The following TMEM267 variants were observed in gnomAD, a reference collection of about 807,000 sequenced individuals.
TMEM267 encodes transmembrane protein 267.
TMEM267 carries 20 observed loss-of-function variants against 19.3 expected under a neutral mutation model. The ratio of observed to expected loss-of-function variants is 1.04; its 90% CI spans 0.73 to 1.51. The LOEUF (loss-of-function observed/expected upper bound fraction) is 1.51. Ranked by LOEUF, TMEM267 falls within the 40% of genes most tolerant of loss-of-function variation. The pLI is 0.00. For missense variants in TMEM267, 242 were observed against 261.9 expected (o/e 0.92, Z 0.52); for synonymous variants, 88 against 90.3 (o/e 0.97, Z 0.15).
At chr5:43,448,936 T>TA (rs1387824342) in intron 2 of TMEM267, among the ~76,000 whole-genome samples, 3 of 149,384 alleles carry the variant, frequency 2.0e-5, no homozygotes, top group South Asian at 4.3e-4. Flanking sequence ...CATGGGGACA[T>TA]AAAAAAATCT....
intron 1 of TMEM267, among the ~76,000 whole-genome samples, chr5:43,458,257 T>A (rs1579798305): frequency 6.6e-6 from 1 of 152,214 alleles, no homozygotes; most frequent in East Asian, 1.9e-4. Flanking sequence ...CAGGCCACCA[T>A]GCCTGGCTAA....
intron 2 of TMEM267, among the ~76,000 whole-genome samples, chr5:43,447,221 CTGGGAT>C (rs1742297201): frequency 6.6e-6 from 1 of 151,804 alleles, no homozygotes; most frequent in African/African-American, 2.4e-5. Context: ...TCCCGAGTAG[CTGGGAT>C]CATAGGCACC....
chr5:43,446,261 T>C lies in TMEM267; in HGVS notation c.609A>G (p.Gln203=), dbSNP rs1742229701. The change falls in exon 3 of 3, where the codon CAA becomes CAG. Residue 203 remains glutamine (Q), a synonymous_variant. Coordinates refer to ENST00000397080, the MANE Select transcript of TMEM267 (RefSeq NM_022483.5). ...GAACTCCATGTTTTGAAGACATCAT[T>C]TGTCTGGTTCCTGTTAAATACATAA... The part of the protein sequence containing the change: ...SFVMYLTGTR[Q]MMSSKHGVRI... 6.2e-7 allele frequency: 1 copy of C among 1,613,612 alleles called. No homozygotes were observed. The highest frequency in any genetic ancestry group is 1.3e-5 in the African/African-American group (1 of 75,050).
intron 1 of TMEM267, among the ~76,000 whole-genome samples, chr5:43,475,335 CAG>C (rs1344257706): frequency 6.6e-6 from 1 of 150,526 alleles, no homozygotes; most frequent in Non-Finnish European, 1.5e-5. Context: ...CACATGGACA[CAG>C]AGAGGGTACA....
At chr5:43,460,112 T>A (rs1743174220) in intron 1 of TMEM267, among the ~76,000 whole-genome samples, 1 of 152,122 alleles carries the variant, frequency 6.6e-6, no homozygotes, top group Non-Finnish European at 1.5e-5. Context: ...TCACAATAGG[T>A]TCACTCTCCA....
intron 1 of TMEM267, among the ~76,000 whole-genome samples, chr5:43,481,581 G>T (rs1465462819): frequency 6.6e-6 from 1 of 151,996 alleles, no homozygotes; most frequent in Non-Finnish European, 1.5e-5. Context: ...CACGGTTTAC[G>T]AATAGGAACA....
At chr5:43,464,919 C>T (rs948612022) in intron 1 of TMEM267, among the ~76,000 whole-genome samples, 1 of 152,146 alleles carries the variant, frequency 6.6e-6, no homozygotes, top group Non-Finnish European at 1.5e-5. Flanking sequence ...GTCTAAGACA[C>T]CAAAAGCAAT....
chr5:43,475,259 A>C (rs1159684687), intron 1 of TMEM267, among the ~76,000 whole-genome samples: 1 of 148,096 alleles, frequency 6.8e-6, no homozygotes, highest in Non-Finnish European at 1.5e-5. Context: ...ATTCTCAGCA[A>C]ACTAACAGAA....
chr5:43,462,893 G>C (rs1743359611), intron 1 of TMEM267, among the ~76,000 whole-genome samples: 1 of 152,012 alleles, frequency 6.6e-6, no homozygotes, highest in African/African-American at 2.4e-5. Context: ...AAAAGCAAGA[G>C]CAAACACATT....
intron 1 of TMEM267, among the ~76,000 whole-genome samples, chr5:43,478,274 G>A (rs937361669): frequency 2.0e-5 from 3 of 152,168 alleles, no homozygotes; most frequent in South Asian, 2.1e-4. Flanking sequence ...ATTTTAAAAC[G>A]TCACACCCCA....
At chr5:43,459,340 C>G (rs896289704) in intron 1 of TMEM267, among the ~76,000 whole-genome samples, 1 of 152,094 alleles carries the variant, frequency 6.6e-6, no homozygotes, top group African/African-American at 2.4e-5. Context: ...AGCTCACCCC[C>G]ACTCTGCAAA....
intron 1 of TMEM267, among the ~76,000 whole-genome samples, chr5:43,458,750 A>C (rs1156432833): frequency 6.6e-6 from 1 of 152,182 alleles, no homozygotes; most frequent in Non-Finnish European, 1.5e-5. Flanking sequence ...GGCTTTTGTA[A>C]AAAAGGAGAA....
intron 1 of TMEM267, among the ~76,000 whole-genome samples, chr5:43,469,367 T>C (rs1280592553): frequency 6.6e-6 from 1 of 152,154 alleles, no homozygotes; most frequent in Non-Finnish European, 1.5e-5. Flanking sequence ...CTCAATAAAA[T>C]ACTAGCAAAC....
intron 2 of TMEM267, among the ~76,000 whole-genome samples, chr5:43,450,348 T>C (rs1047411792): frequency 6.6e-6 from 1 of 152,180 alleles, no homozygotes; most frequent in Admixed American, 6.6e-5. Context: ...GGAATTATCA[T>C]AGAATCATAG....
chr5:43,465,587 G>C (rs1418727775), intron 1 of TMEM267, among the ~76,000 whole-genome samples: 1 of 152,150 alleles, frequency 6.6e-6, no homozygotes, highest in Non-Finnish European at 1.5e-5. Context: ...ACTGGATTAA[G>C]AACATGTGGC....
At chr5:43,472,373 A>G (rs1369360535) in intron 1 of TMEM267, among the ~76,000 whole-genome samples, 2 of 152,208 alleles carry the variant, frequency 1.3e-5, no homozygotes. Context: ...ACTATGGAGA[A>G]CAATTTGAAC....
intron 1 of TMEM267, among the ~76,000 whole-genome samples, chr5:43,475,526 T>TA (rs1453824249): frequency 6.6e-6 from 1 of 151,764 alleles, no homozygotes; most frequent in East Asian, 1.9e-4. Flanking sequence ...AAGTATAATT[T>TA]AAAAAAAAGT....
chr5:43,469,197 A>G (rs1364994856), intron 1 of TMEM267, among the ~76,000 whole-genome samples: 3 of 152,202 alleles, frequency 2.0e-5, no homozygotes, highest in Admixed American at 2.0e-4. Context: ...TAGTAGAAGA[A>G]AAGAAATAAT....
At chr5:43,468,127 G>T (rs1375276609) in intron 1 of TMEM267, among the ~76,000 whole-genome samples, 1 of 151,960 alleles carries the variant, frequency 6.6e-6, no homozygotes, top group Non-Finnish European at 1.5e-5. Context: ...AGGGGAGTGG[G>T]GGGGCGGGTG....
Sources: allele counts gnomAD v4.1 joint callset (sites outside exome capture counted in the v4.1 genomes callset), GRCh38; gene constraint gnomAD v4.1.1; transcripts MANE v1.5; gene names NCBI Gene and HGNC (gene_info 2026-07-23, HGNC 2026-07-21).